Variants in CTDSPL observed in about 807,000 individuals in gnomAD.
CTDSPL encodes the protein CTD small phosphatase like.
In CTDSPL, 8 loss-of-function variants were observed where a neutral mutation model predicts 30.5. The observed-to-expected ratio is 0.26, with a 90% CI of 0.15 to 0.47. The LOEUF is 0.47. Ranked by LOEUF, CTDSPL falls within the 20% of genes least tolerant of loss-of-function variation. CTDSPL has a pLI of 0.99. For synonymous variants in CTDSPL, 110 were observed against 137.9 expected, an observed-to-expected ratio of 0.80 and a Z score of 1.42; for missense variants, 248 against 366.1, an observed-to-expected ratio of 0.68 and a Z score of 2.63.
At chr3:37,972,946 G>A (rs905228129) in intron 6 of CTDSPL, among the ~76,000 whole-genome samples, 7 of 152,202 alleles carry the variant, frequency 4.6e-5, no homozygotes, top group African/African-American at 9.7e-5. Flanking sequence ...GCTTCTGGAC[G>A]GTGCCCTGAT....
intron 1 of CTDSPL, among the ~76,000 whole-genome samples, chr3:37,943,901 C>T (rs1192049853): frequency 6.7e-6 from 1 of 150,226 alleles, no homozygotes; most frequent in Non-Finnish European, 1.5e-5. Flanking sequence ...TTCACATGGG[C>T]CTCCTCCGGT....
chr3:37,920,002 T>G (rs1698695146), intron 1 of CTDSPL, among the ~76,000 whole-genome samples: 2 of 152,076 alleles, frequency 1.3e-5, no homozygotes, highest in Non-Finnish European at 2.9e-5. Context: ...TTCCTATATA[T>G]GCTATAAAAA....
chr3:37,897,440 T>G, intron 1 of CTDSPL, among the ~76,000 whole-genome samples: 1 of 152,190 alleles, frequency 6.6e-6, no homozygotes, highest in Non-Finnish European at 1.5e-5. Context: ...GCTTACGTCA[T>G]TCTGCTAATT....
intron 3 of CTDSPL, among the ~76,000 whole-genome samples, chr3:37,963,516 CCTTTT>C (rs1386297584): frequency 6.6e-6 from 1 of 152,098 alleles, no homozygotes; most frequent in Admixed American, 6.5e-5. Flanking sequence ...ATAGATATTT[CCTTTT>C]GTTTTGTATC....
chr3:37,892,774 T>TG (rs901111974), intron 1 of CTDSPL, among the ~76,000 whole-genome samples: 5 of 151,906 alleles, frequency 3.3e-5, no homozygotes, highest in South Asian at 2.1e-4. Context: ...CTTACAGAAG[T>TG]GGGGGGGATA....
chr3:37,905,626 A>G (rs1238689695), intron 1 of CTDSPL, among the ~76,000 whole-genome samples: 3 of 152,134 alleles, frequency 2.0e-5, no homozygotes. Flanking sequence ...TGGGCACTGC[A>G]GAAGTGCAGA....
chr3:37,879,845 A>G (rs1169189803), intron 1 of CTDSPL, among the ~76,000 whole-genome samples: 1 of 152,106 alleles, frequency 6.6e-6, no homozygotes, highest in Non-Finnish European at 1.5e-5. Context: ...TAATATGAAT[A>G]TTAAATATTA....
chr3:37,969,835 A>C (rs1028128502), intron 5 of CTDSPL, among the ~76,000 whole-genome samples: 3 of 152,126 alleles, frequency 2.0e-5, no homozygotes, highest in Non-Finnish European at 4.4e-5. Flanking sequence ...GTCACCCATG[A>C]ATTTCCCACT....
chr3:37,891,928 A>G (rs1316518144), intron 1 of CTDSPL, among the ~76,000 whole-genome samples: 1 of 152,216 alleles, frequency 6.6e-6, no homozygotes, highest in Non-Finnish European at 1.5e-5. Context: ...GTGCTTATGT[A>G]CTTTACAACA....
Position 37,971,633 on chromosome 3 carries a change from T to A in CTDSPL, c.519+134T>A. Reference sequence around the variant, plus strand: ...TATGGTGACAGGTTCCCACCCCAGATGGGATGGATGCAGGCCATGTGCATG... The same window carrying A: ...TATGGTGACAGGTTCCCACCCCAGAAGGGATGGATGCAGGCCATGTGCATG... On this transcript the variant is annotated intron_variant, in intron 6 of 7. Coordinates refer to ENST00000273179, the MANE Select transcript of CTDSPL (RefSeq NM_001008392.2). The A allele has an allele frequency of 6.8e-6, 5 of 740,556 alleles. No individual in the cohort carries two copies. In the South Asian group the frequency reaches 8.5e-5, roughly 13 times the overall value. 45.9% of individuals were successfully genotyped at this position (740,556 alleles called of 1,614,324 possible).
intron 1 of CTDSPL, among the ~76,000 whole-genome samples, chr3:37,924,341 T>C (rs1698756057): frequency 6.6e-6 from 1 of 152,098 alleles, no homozygotes; most frequent in Non-Finnish European, 1.5e-5. Flanking sequence ...TACAAGGAAA[T>C]CGAAGGGTTA....
intron 1 of CTDSPL, among the ~76,000 whole-genome samples, chr3:37,884,114 G>A (rs373568461): frequency 3.9e-5 from 6 of 152,190 alleles, no homozygotes; most frequent in African/African-American, 1.4e-4. Flanking sequence ...TAAGGAATTT[G>A]CCATAAGTAA....
chr3:37,886,987 A>C (rs1227357763), intron 1 of CTDSPL, among the ~76,000 whole-genome samples: 1 of 152,106 alleles, frequency 6.6e-6, no homozygotes, highest in Non-Finnish European at 1.5e-5. Flanking sequence ...TTCTCTTTTG[A>C]GCTCACTGAT....
intron 1 of CTDSPL, among the ~76,000 whole-genome samples, chr3:37,903,678 C>G (rs1439847223): frequency 6.6e-6 from 1 of 152,174 alleles, no homozygotes; most frequent in Admixed American, 6.5e-5. Flanking sequence ...CTGCCACACC[C>G]CTGCCAGACT....
At chr3:37,913,704 A>T (rs998326272) in intron 1 of CTDSPL, among the ~76,000 whole-genome samples, 1 of 152,218 alleles carries the variant, frequency 6.6e-6, no homozygotes, top group Admixed American at 6.5e-5. Flanking sequence ...AAAGGGGAAG[A>T]ACTTCTCTGG....
At chr3:37,913,805 T>G (rs1698611220) in intron 1 of CTDSPL, among the ~76,000 whole-genome samples, 1 of 152,228 alleles carries the variant, frequency 6.6e-6, no homozygotes, top group South Asian at 2.1e-4. Flanking sequence ...TTCTGGGCTT[T>G]CTATTCCATT....
chr3:37,972,880 G>A (rs1253581749), intron 6 of CTDSPL, among the ~76,000 whole-genome samples: 1 of 152,232 alleles, frequency 6.6e-6, no homozygotes, highest in East Asian at 1.9e-4. Context: ...TGGGGCCCAG[G>A]TTAACCATTT....
chr3:37,896,115 T>C lies in CTDSPL; in HGVS notation c.79+33837T>C, dbSNP rs375653845. On this transcript the variant is annotated intron_variant, in intron 1 of 7. Coordinates refer to ENST00000273179, the MANE Select transcript of CTDSPL (RefSeq NM_001008392.2). ...GAGCGCTCCTATAAACAAAGGGCTG[T>C]GGAATAATCAATCAGTAAGAATCAG... Among the ~76,000 whole-genome samples, 5 of 152,176 alleles carry C rather than the reference T, an allele frequency of 3.3e-5. No individual in the cohort carries two copies. In the East Asian group the frequency reaches 5.8e-4, roughly 18 times the overall value.
At chr3:37,903,089 G>A (rs1434644812) in intron 1 of CTDSPL, among the ~76,000 whole-genome samples, 2 of 152,202 alleles carry the variant, frequency 1.3e-5, no homozygotes, top group African/African-American at 4.8e-5. Context: ...CTGGCAGCTA[G>A]AGAGCCAAGC....
Sources: gnomAD v4.1 joint callset for allele counts (sites outside exome capture counted in the v4.1 genomes callset) on GRCh38, gnomAD v4.1.1 for gene constraint, MANE v1.5 for transcripts, NCBI Gene and HGNC (gene_info 2026-07-23, HGNC 2026-07-21) for gene names.